The following NBAS variants were observed in gnomAD, a reference collection of about 807,000 sequenced individuals.
NBAS encodes NAG/BC035112 fusion.
A neutral mutation model predicts 302.5 loss-of-function variants in NBAS; 219 were observed. The ratio of observed to expected loss-of-function variants is 0.72; its 90% CI spans 0.65 to 0.81. NBAS has a LOEUF of 0.81. Among genes scored for constraint, NBAS ranks in the 30% least tolerant of loss-of-function variants. The probability of loss-of-function intolerance (pLI) is 0.00; values close to 1 mark genes in which losing one functional copy is unlikely to be tolerated. For synonymous variants in NBAS, 1,118 were observed against 1,021.6 expected, an observed-to-expected ratio of 1.09 and a Z score of -1.80; for missense variants, 2,932 against 2,841.6, an observed-to-expected ratio of 1.03 and a Z score of -0.72.
chr2:15,204,083 G>A (rs1368139096), intron 48 of NBAS, among the ~76,000 whole-genome samples: 1 of 152,000 alleles, frequency 6.6e-6, no homozygotes, highest in Non-Finnish European at 1.5e-5. Flanking sequence ...GCAACATAGT[G>A]AGACCCCATC....
chr2:15,247,060 C>G (rs16862448), intron 44 of NBAS, among the ~76,000 whole-genome samples: 32,254 of 152,012 alleles, frequency 0.21, 4,226 homozygotes, highest in East Asian at 0.55. Flanking sequence ...GAAACTAAGA[C>G]AAGAAAGGAG....
chr2:15,137,871 A>C, the NBAS span, among the ~76,000 whole-genome samples: 1 of 152,168 alleles, frequency 6.6e-6, no homozygotes, highest in South Asian at 2.1e-4. Context: ...AAACTCTTGG[A>C]CTGAAGCAAC....
At chr2:15,514,208 G>A (rs1662279482) in intron 9 of NBAS, among the ~76,000 whole-genome samples, 1 of 152,136 alleles carries the variant, frequency 6.6e-6, no homozygotes, top group African/African-American at 2.4e-5. Flanking sequence ...GGGTATACAG[G>A]TAAAATGAGA....
intron 23 of NBAS, among the ~76,000 whole-genome samples, 199 bp from the exon 24 acceptor site, chr2:15,417,911 A>C (rs1384924428): frequency 6.6e-6 from 1 of 152,216 alleles, no homozygotes; most frequent in Non-Finnish European, 1.5e-5. Context: ...TTTCAAAGGA[A>C]TCAAACAATC....
At chr2:15,449,699 C>T (rs954179392) in intron 21 of NBAS, among the ~76,000 whole-genome samples, 1 of 152,164 alleles carries the variant, frequency 6.6e-6, no homozygotes, top group Non-Finnish European at 1.5e-5. Context: ...GATCCTAACC[C>T]TGTTCCCAGC....
chr2:15,464,388 C>T (rs1174073109), intron 19 of NBAS, among the ~76,000 whole-genome samples: 2 of 152,096 alleles, frequency 1.3e-5, no homozygotes, highest in Non-Finnish European at 2.9e-5. Flanking sequence ...CACCTACCTG[C>T]ATCTGTAATA....
chr2:15,271,151 T>A (rs1463326109), intron 44 of NBAS, among the ~76,000 whole-genome samples: 1 of 152,182 alleles, frequency 6.6e-6, no homozygotes, highest in Non-Finnish European at 1.5e-5. Context: ...AATAATAGGA[T>A]AAAGGAGGAA....
the NBAS span, among the ~76,000 whole-genome samples, chr2:15,027,133 G>A: frequency 5.3e-5 from 8 of 151,950 alleles, no homozygotes; most frequent in Non-Finnish European, 1.0e-4. Flanking sequence ...CCTCTCCCCA[G>A]AAAATGTGGG....
the NBAS span, among the ~76,000 whole-genome samples, chr2:15,143,768 G>A: frequency 7.9e-5 from 12 of 152,068 alleles, no homozygotes; most frequent in Non-Finnish European, 1.8e-4. Flanking sequence ...GCTGGGAAAA[G>A]TAGACCTACC....
intron 40 of NBAS, among the ~76,000 whole-genome samples, chr2:15,298,852 G>C (rs375832432): frequency 7.9e-4 from 121 of 152,268 alleles, no homozygotes; most frequent in African/African-American, 2.8e-3. Context: ...ACTGTTTCTT[G>C]TTTTAGAGAC....
At chr2:15,553,374 T>G in intron 5 of NBAS, 52 bp downstream of exon 5, 2 of 1,467,242 alleles carry the variant, frequency 1.4e-6, no homozygotes, top group South Asian at 2.3e-5. Context: ...ATTTATAGAG[T>G]AACAAATATT....
chr2:15,539,482 T>G (rs1663693338), intron 6 of NBAS, 126 bp from the exon 7 acceptor site: 1 of 1,213,574 alleles, frequency 8.2e-7, no homozygotes, highest in African/African-American at 1.5e-5. Flanking sequence ...GGATCTCTAA[T>G]AAAGCTTCCC....
At chr2:15,242,520 T>C (rs184116208) in intron 44 of NBAS, among the ~76,000 whole-genome samples, 1 of 152,258 alleles carries the variant, frequency 6.6e-6, no homozygotes, top group East Asian at 1.9e-4. Flanking sequence ...CTCCAGGGTA[T>C]GGTTAAAAAA....
chr2:15,043,255 G>A, the NBAS span, among the ~76,000 whole-genome samples: 3 of 152,078 alleles, frequency 2.0e-5, no homozygotes, highest in Admixed American at 1.3e-4. Flanking sequence ...ACCAAAAACC[G>A]GGACATTGCC....
chr2:15,389,913 C>G (rs1450609567), intron 28 of NBAS, among the ~76,000 whole-genome samples: 1 of 152,168 alleles, frequency 6.6e-6, no homozygotes, highest in Non-Finnish European at 1.5e-5. Context: ...AAGGATCAAT[C>G]TAAGCAGAGA....
chr2:15,002,973 G>C, the NBAS span, among the ~76,000 whole-genome samples: 95 of 152,382 alleles, frequency 6.2e-4, no homozygotes, highest in Non-Finnish European at 1.1e-3. Context: ...CAGCCCAGAA[G>C]GGGGCTCCCA....
intron 40 of NBAS, among the ~76,000 whole-genome samples, chr2:15,293,801 C>G (rs1479939094): frequency 6.6e-6 from 1 of 152,180 alleles, no homozygotes; most frequent in Non-Finnish European, 1.5e-5. Flanking sequence ...CTGACATTCT[C>G]TCTCTTGATC....
intron 35 of NBAS, among the ~76,000 whole-genome samples, chr2:15,344,869 A>G (rs951469161): frequency 1.3e-5 from 2 of 152,198 alleles, no homozygotes; most frequent in African/African-American, 2.4e-5. Flanking sequence ...TACAAAATCA[A>G]TAAATGTAAT....
At chr2:15,445,795 C>T (rs1316199799) in intron 21 of NBAS, among the ~76,000 whole-genome samples, 2 of 149,844 alleles carry the variant, frequency 1.3e-5, no homozygotes, top group Non-Finnish European at 3.0e-5. Flanking sequence ...ATAACCAGAA[C>T]AAAAATCAAT....
Sources: allele counts gnomAD v4.1 joint callset (sites outside exome capture counted in the v4.1 genomes callset), GRCh38; gene constraint gnomAD v4.1.1; transcripts MANE v1.5; gene names NCBI Gene and HGNC (gene_info 2026-07-23, HGNC 2026-07-21).